Variants in UNC80 observed in about 807,000 individuals in gnomAD.
The protein encoded by UNC80 is protein unc-80 homolog.
A neutral mutation model predicts 384.6 loss-of-function variants in UNC80; 164 were observed. The ratio of observed to expected loss-of-function variants is 0.43; its 90% CI spans 0.38 to 0.49. The LOEUF (loss-of-function observed/expected upper bound fraction) is 0.49. Ranked by LOEUF, UNC80 falls within the 20% of genes least tolerant of loss-of-function variation. The probability of loss-of-function intolerance (pLI) is 0.00; values close to 1 mark genes in which losing one functional copy is unlikely to be tolerated. For missense variants in UNC80, 3,330 were observed against 4,143.0 expected (o/e 0.80, Z 5.39); for synonymous variants, 1,486 against 1,527.8 (o/e 0.97, Z 0.64).
intron 22 of UNC80, among the ~76,000 whole-genome samples, chr2:209,866,494 A>ACC: frequency 9.1e-6 from 1 of 109,304 alleles, no homozygotes; most frequent in Admixed American, 9.6e-5. Flanking sequence ...GCACCCCCAC[A>ACC]CACACACACA....
At chr2:209,845,270 G>A (rs1374707099) in intron 21 of UNC80, 1 of 152,060 alleles carries the variant, frequency 6.6e-6, no homozygotes, top group African/African-American at 2.4e-5. Context: ...AAGTCACCCA[G>A]TCTATGGCAT....
rs112448368 is a variant in UNC80, at chr2:209,978,734, A to G, written c.9118+26A>G. 3.9e-3 allele frequency: 5,858 copies of G among 1,502,468 alleles called. 217 individuals are homozygous for G. In the African/African-American group the frequency reaches 0.069, roughly 18 times the overall value. 93.1% of individuals were successfully genotyped at this position (1,502,468 alleles called of 1,614,324 possible). On this transcript the variant is annotated intron_variant, in intron 59 of 64. Transcript: ENST00000673920. ...GTAGGTCATTCCAGAGAATCTGGGC[A>G]GTAGACATGGCCTGGCCATACGAGC...
At chr2:209,898,648 T>C (rs892570640) in intron 28 of UNC80, among the ~76,000 whole-genome samples, 7 of 152,174 alleles carry the variant, frequency 4.6e-5, no homozygotes, top group African/African-American at 1.7e-4. Context: ...CTTTTAGTTA[T>C]TTTTAAATGT....
chr2:209,955,227 C>T (rs937900370), intron 48 of UNC80, among the ~76,000 whole-genome samples: 6 of 152,070 alleles, frequency 3.9e-5, no homozygotes, highest in Non-Finnish European at 7.3e-5. Flanking sequence ...CACCAAAAGG[C>T]ACCAACTCCC....
At chr2:209,831,808 A>C (rs576417292) in intron 16 of UNC80, among the ~76,000 whole-genome samples, 1 of 152,306 alleles carries the variant, frequency 6.6e-6, no homozygotes, top group East Asian at 1.9e-4. Flanking sequence ...AAATTCAGCT[A>C]TCTTCCTCTC....
At chr2:209,843,974 G>A (rs2081951185) in intron 21 of UNC80, among the ~76,000 whole-genome samples, 1 of 152,060 alleles carries the variant, frequency 6.6e-6, no homozygotes, top group African/African-American at 2.4e-5. Flanking sequence ...CTTCTCTTTT[G>A]AAAATGTTCC....
intron 28 of UNC80, among the ~76,000 whole-genome samples, chr2:209,897,053 A>G (rs2086868531): frequency 6.6e-6 from 1 of 152,136 alleles, no homozygotes; most frequent in African/African-American, 2.4e-5. Flanking sequence ...ACTTCCTGGA[A>G]AAGTCAGATG....
chr2:209,951,849 C>G lies in UNC80; in HGVS notation c.7287-2251C>G, dbSNP rs2092203391. Among the ~76,000 whole-genome samples the G allele has an allele frequency of 3.3e-5, 5 of 152,098 alleles. No homozygotes were observed. The South Asian group carries it at 8.3e-4, about 25-fold the overall frequency. On this transcript the variant is annotated intron_variant, in intron 47 of 64. Transcript: ENST00000673920. ...TGTATATGTATTTTTTCCTCCTTAACCACATGCTCTATATATGTCTCTTAT... is the reference window on the plus strand; with the variant it reads ...TGTATATGTATTTTTTCCTCCTTAAGCACATGCTCTATATATGTCTCTTAT...
intron 7 of UNC80, among the ~76,000 whole-genome samples, chr2:209,811,196 A>T (rs1018862628): frequency 2.0e-5 from 3 of 152,166 alleles, no homozygotes; most frequent in African/African-American, 7.2e-5. Context: ...TTGAGAAAAT[A>T]TTAAAACAGG....
chr2:209,785,728 A>G (rs1235215530), intron 4 of UNC80, among the ~76,000 whole-genome samples: 6 of 152,214 alleles, frequency 3.9e-5, no homozygotes, highest in South Asian at 4.1e-4. Flanking sequence ...TAATAACCAA[A>G]GTGAAGAGAT....
intron 47 of UNC80, 44 bp downstream of exon 47, chr2:209,945,987 G>A: frequency 7.6e-7 from 1 of 1,309,632 alleles, no homozygotes; most frequent in African/African-American, 1.5e-5. Context: ...AAGTAAATAT[G>A]GCAGAGAAAA....
At chr2:209,934,696 T>A (rs1246160825) in intron 39 of UNC80, among the ~76,000 whole-genome samples, 1 of 152,246 alleles carries the variant, frequency 6.6e-6, no homozygotes, top group East Asian at 1.9e-4. Context: ...TAGTATTAAC[T>A]GTGAAGAAGT....
At chr2:209,850,102 A>C (rs1487575571) in intron 22 of UNC80, among the ~76,000 whole-genome samples, 1 of 152,072 alleles carries the variant, frequency 6.6e-6, no homozygotes, top group Admixed American at 6.6e-5. Context: ...ATTATCCATC[A>C]ATTGGAGGAA....
rs2093472635 is a variant in UNC80, at chr2:209,995,611, G to A, written c.*16G>A. ...TCATGTTTAATTCTGTATCTTGTAA[G>A]CTCTGCAGGTATAGAGAAGACATGA... On this transcript the variant is annotated 3_prime_UTR_variant, in exon 65 of 65. Transcript: ENST00000673920. 1.3e-6 allele frequency: 2 copies of A among 1,550,840 alleles called. No homozygotes were observed. Among genetic ancestry groups the A allele is most frequent in the Non-Finnish European group, 1.7e-6 (2 of 1,146,438 alleles).
intron 28 of UNC80, among the ~76,000 whole-genome samples, chr2:209,900,106 T>C: frequency 6.6e-6 from 1 of 152,240 alleles, no homozygotes; most frequent in South Asian, 2.1e-4. Flanking sequence ...ATCATACCCT[T>C]CATCCTGACT....
chr2:209,809,176 G>T, intron 7 of UNC80: 1 of 641,540 alleles, frequency 1.6e-6, no homozygotes, highest in African/African-American at 1.8e-5. Flanking sequence ...CACCTTCCCA[G>T]GCTTGGGCCA....
At position 209,815,240 on chromosome 2, in the gene UNC80, T is replaced by C; in HGVS notation, c.1201-17T>C. 1 of 1,550,870 alleles carries C rather than the reference T, an allele frequency of 6.4e-7. No homozygotes were observed. The highest frequency in any genetic ancestry group is 8.7e-7 in the Non-Finnish European group (1 of 1,146,630). ...TGTAAAGTCCTAAGTCCTTGATCAC[T>C]GTCTACCTTTATTAAGGATCTCACC... On this transcript the variant is annotated splice_polypyrimidine_tract_variant and intron_variant, in intron 8 of 64. Coordinates refer to ENST00000673920, the MANE Select transcript of UNC80 (RefSeq NM_001371986.1).
In UNC80 at chr2:209,884,095, C is replaced by T. The variant is rs567363592; in HGVS notation, c.4110+3001C>T. On this transcript the variant is annotated intron_variant, in intron 25 of 64. Coordinates refer to ENST00000673920, the MANE Select transcript of UNC80 (RefSeq NM_001371986.1). Reference sequence around the variant, plus strand: ...AATTATGTCTAAAGAAAGGGAAGGGCAGCATTTTTATAAGATTTATAGTCT... The same window carrying T: ...AATTATGTCTAAAGAAAGGGAAGGGTAGCATTTTTATAAGATTTATAGTCT... 4.4e-4 allele frequency among the ~76,000 whole-genome samples: 67 copies of T among 152,088 alleles called. 2 individuals are homozygous for T. The highest frequency in any genetic ancestry group is 8.2e-4 in the Non-Finnish European group (56 of 68,026).
chr2:209,812,962 A>G (rs959608332), intron 7 of UNC80, among the ~76,000 whole-genome samples: 10 of 152,224 alleles, frequency 6.6e-5, no homozygotes, highest in African/African-American at 2.4e-4. Context: ...AGGATATATA[A>G]CTTTAGAATT....
Sources: allele counts gnomAD v4.1 joint callset (sites outside exome capture counted in the v4.1 genomes callset), GRCh38; gene constraint gnomAD v4.1.1; transcripts MANE v1.5; gene names NCBI Gene and HGNC (gene_info 2026-07-23, HGNC 2026-07-21).